Variants in RGS6 observed in about 807,000 individuals in gnomAD.
RGS6 encodes the protein regulator of G protein signaling 6.
In RGS6, 30 loss-of-function variants were observed where a neutral mutation model predicts 78.5. That is an observed-to-expected ratio of 0.38 (90% CI 0.29 to 0.52). The LOEUF (loss-of-function observed/expected upper bound fraction) is 0.52, where lower values mean the gene tolerates loss of function less well. RGS6 is among the 20% of genes least tolerant of loss of function. The probability of loss-of-function intolerance (pLI) is 0.85; values close to 1 mark genes in which losing one functional copy is unlikely to be tolerated. For synonymous variants in RGS6, 206 were observed against 206.0 expected (o/e 1.00, Z 0.00); for missense variants, 495 against 609.7 (o/e 0.81, Z 1.98).
chr14:72,332,478 C>T (rs1162212541), intron 2 of RGS6, among the ~76,000 whole-genome samples: 1 of 152,220 alleles, frequency 6.6e-6, no homozygotes, highest in Non-Finnish European at 1.5e-5. Context: ...CAACTGACCT[C>T]TCAGAGAACA....
chr14:71,995,638 C>A (rs576445691), intron 2 of RGS6, among the ~76,000 whole-genome samples: 17 of 152,224 alleles, frequency 1.1e-4, no homozygotes, highest in African/African-American at 3.9e-4. Context: ...TGATTTAATG[C>A]GCATCAGGAG....
chr14:71,954,963 A>C (rs548990564), intron 1 of RGS6, among the ~76,000 whole-genome samples: 1 of 152,098 alleles, frequency 6.6e-6, no homozygotes, highest in African/African-American at 2.4e-5. Flanking sequence ...CTTACCTTTC[A>C]CCATGCGTTG....
At chr14:71,890,585 C>A in the RGS6 span, among the ~76,000 whole-genome samples, 1 of 152,210 alleles carries the variant, frequency 6.6e-6, no homozygotes, top group African/African-American at 2.4e-5. Context: ...TGCTGCTAAT[C>A]CTCAGCACAG....
chr14:72,265,942 G>GTTT (rs1567616715), intron 2 of RGS6, among the ~76,000 whole-genome samples: 9 of 142,460 alleles, frequency 6.3e-5, no homozygotes, highest in African/African-American at 1.8e-4. Flanking sequence ...CTTTTTTGGG[G>GTTT]GGGGGGGCGG....
chr14:72,256,982 G>T (rs2057212841), intron 2 of RGS6, among the ~76,000 whole-genome samples: 1 of 152,156 alleles, frequency 6.6e-6, no homozygotes, highest in Non-Finnish European at 1.5e-5. Flanking sequence ...CATTGAGATG[G>T]GTAGACACCT....
chr14:72,551,371 C>T (rs550779002), intron 17 of RGS6, among the ~76,000 whole-genome samples: 1 of 152,162 alleles, frequency 6.6e-6, no homozygotes, highest in Non-Finnish European at 1.5e-5. Context: ...GGCTGACCGT[C>T]CCATACCAAC....
At chr14:71,875,078 C>T in the RGS6 span, among the ~76,000 whole-genome samples, 2 of 152,198 alleles carry the variant, frequency 1.3e-5, no homozygotes, top group East Asian at 1.9e-4. Flanking sequence ...CATCGATGTT[C>T]ATCAGGGATA....
At chr14:72,278,113 G>A (rs974500924) in intron 2 of RGS6, among the ~76,000 whole-genome samples, 2 of 152,104 alleles carry the variant, frequency 1.3e-5, no homozygotes, top group East Asian at 1.9e-4. Context: ...AGGTACAAGT[G>A]GGGGCCAGAG....
chr14:71,952,891 G>A (rs1444220913), intron 1 of RGS6, among the ~76,000 whole-genome samples: 3 of 152,036 alleles, frequency 2.0e-5, no homozygotes, highest in Non-Finnish European at 4.4e-5. Flanking sequence ...AAGCCAATAG[G>A]AGTGCTTTTC....
intron 3 of RGS6, among the ~76,000 whole-genome samples, chr14:72,446,472 G>A (rs921450262): frequency 2.0e-5 from 3 of 152,294 alleles, no homozygotes; most frequent in Middle Eastern, 3.4e-3. Flanking sequence ...AGGCCTTCCC[G>A]AGGGAGTTAG....
chr14:72,572,721 A>G, the RGS6 span, among the ~76,000 whole-genome samples: 503 of 152,324 alleles, frequency 3.3e-3, 2 homozygotes, highest in African/African-American at 0.012. Flanking sequence ...TCTAAAATTT[A>G]TTGTAGTGAT....
intron 16 of RGS6, among the ~76,000 whole-genome samples, 196 bp from the exon 17 acceptor site, chr14:72,539,845 G>A (rs957209307): frequency 1.3e-5 from 2 of 152,180 alleles, no homozygotes; most frequent in African/African-American, 4.8e-5. Context: ...ACCATTTCTC[G>A]TGGGCTTCTG....
intron 10 of RGS6, among the ~76,000 whole-genome samples, chr14:72,475,360 G>A (rs1343203895): frequency 6.6e-6 from 1 of 151,880 alleles, no homozygotes; most frequent in Non-Finnish European, 1.5e-5. Flanking sequence ...ACTCCCCCAC[G>A]ATTCATATGT....
At chr14:72,129,525 G>C (rs1234997629) in intron 2 of RGS6, among the ~76,000 whole-genome samples, 4 of 152,170 alleles carry the variant, frequency 2.6e-5, no homozygotes, top group Non-Finnish European at 4.4e-5. Context: ...TATAACAGCA[G>C]ATGGAGGTTC....
chr14:72,058,399 A>G (rs2093723636), intron 2 of RGS6, among the ~76,000 whole-genome samples: 1 of 152,138 alleles, frequency 6.6e-6, no homozygotes, highest in South Asian at 2.1e-4. Context: ...TAAAACGATG[A>G]CAGAACTCTA....
intron 2 of RGS6, among the ~76,000 whole-genome samples, chr14:72,031,668 C>G (rs1261819821): frequency 6.6e-6 from 1 of 152,178 alleles, no homozygotes; most frequent in Admixed American, 6.5e-5. Flanking sequence ...GTAATCCTTG[C>G]ACTGGCTGTT....
At chr14:72,475,830 G>GCGCACACACA (rs113920568) in intron 10 of RGS6, among the ~76,000 whole-genome samples, 25 of 145,700 alleles carry the variant, frequency 1.7e-4, no homozygotes, top group East Asian at 6.2e-4. Context: ...AAAAATACAC[G>GCGCACACACA]CACACACACA....
At chr14:72,459,564 C>T in intron 5 of RGS6, 68 bp from the exon 6 acceptor site, 1 of 1,516,720 alleles carries the variant, frequency 6.6e-7, no homozygotes, top group Non-Finnish European at 9.1e-7. Flanking sequence ...GGAGGCTCCT[C>T]CCTGGGTGTG....
the RGS6 span, among the ~76,000 whole-genome samples, chr14:71,885,220 C>T: frequency 2.0e-5 from 3 of 152,074 alleles, no homozygotes; most frequent in Non-Finnish European, 4.4e-5. Flanking sequence ...ACAAAACAAA[C>T]AAAACCTAAA....
Sources: gnomAD v4.1 joint callset for allele counts (sites outside exome capture counted in the v4.1 genomes callset) on GRCh38, gnomAD v4.1.1 for gene constraint, MANE v1.5 for transcripts, NCBI Gene and HGNC (gene_info 2026-07-23, HGNC 2026-07-21) for gene names.